KLHL1: variants seen among roughly 807,000 people sequenced by gnomAD.
The protein encoded by KLHL1 is kelch-like protein 1.
Under a neutral mutation model 77.7 loss-of-function variants are expected in KLHL1, and 47 were observed. The observed-to-expected ratio is 0.60, with a 90% CI of 0.48 to 0.77. KLHL1 has a LOEUF of 0.77. Among genes scored for constraint, KLHL1 ranks in the 30% least tolerant of loss-of-function variants. The pLI, the probability that KLHL1 is intolerant of heterozygous loss-of-function variation, is 0.00. For synonymous variants in KLHL1, 360 were observed against 325.2 expected, an observed-to-expected ratio of 1.11 and a Z score of -1.15; for missense variants, 925 against 910.8, an observed-to-expected ratio of 1.02 and a Z score of -0.20.
At chr13:70,068,007 G>A (rs924353829) in intron 1 of KLHL1, among the ~76,000 whole-genome samples, 10 of 150,338 alleles carry the variant, frequency 6.7e-5, no homozygotes, top group African/African-American at 2.5e-4. Flanking sequence ...ATTTGATCAC[G>A]GTAAATCACA....
intron 3 of KLHL1, among the ~76,000 whole-genome samples, chr13:69,957,399 G>C (rs950257249): frequency 6.6e-6 from 1 of 151,630 alleles, no homozygotes; most frequent in Non-Finnish European, 1.5e-5. Context: ...TATACAGATG[G>C]TTCCTGACTT....
At chr13:69,945,359 A>G (rs2325243) in intron 3 of KLHL1, among the ~76,000 whole-genome samples, 73,451 of 151,580 alleles carry the variant, frequency 0.48, 18,758 homozygotes, top group Non-Finnish European at 0.58. Flanking sequence ...GAACAAATGG[A>G]GAAACTAGAC....
At position 69,839,060 on chromosome 13, in the gene KLHL1, T is replaced by G; in HGVS notation, c.1330A>C (p.Thr444Pro). The part of the protein sequence containing the change: ...MKYHLLPERR[T>P]LMQSPRTKPR... ...TTAGTTCTCGGACTTTGCATTAAAG[T>G]TCTTCTTTCTGGCAATAGATGGTAT... is the stretch of plus-strand genomic sequence containing the variant. Residue 444 changes from threonine to proline, a missense_variant, in exon 6 of 11, where the codon ACT becomes CCT. Physicochemically the swap from Thr to Pro is conservative, Grantham distance 38. Coordinates refer to ENST00000377844, the MANE Select transcript of KLHL1 (RefSeq NM_020866.3). 6.2e-7 allele frequency: 1 copy of G among 1,611,350 alleles called. No individual in the cohort carries two copies. Among genetic ancestry groups the G allele is most frequent in the Non-Finnish European group, 8.5e-7 (1 of 1,178,388 alleles).
At chr13:70,029,283 T>G (rs1886032458) in intron 1 of KLHL1, among the ~76,000 whole-genome samples, 1 of 152,084 alleles carries the variant, frequency 6.6e-6, no homozygotes, top group Non-Finnish European at 1.5e-5. Context: ...TGAAAGAAAT[T>G]TGAACAGTGA....
chr13:69,963,211 A>AG (rs71116969), intron 2 of KLHL1, among the ~76,000 whole-genome samples: 93,949 of 151,856 alleles, frequency 0.62, 29,132 homozygotes, highest in South Asian at 0.65. Context: ...AGCATGCACA[A>AG]CCACCTCACC....
intron 4 of KLHL1, among the ~76,000 whole-genome samples, chr13:69,892,808 CA>C (rs1881475813): frequency 6.6e-6 from 1 of 152,152 alleles, no homozygotes; most frequent in Non-Finnish European, 1.5e-5. Context: ...TACATAACCA[CA>C]TTGACTATTT....
At chr13:69,841,827 C>A in intron 5 of KLHL1, among the ~76,000 whole-genome samples, 2 of 151,436 alleles carry the variant, frequency 1.3e-5, no homozygotes, top group Non-Finnish European at 1.5e-5. Flanking sequence ...CACGGTATTT[C>A]TCTAAAGATA....
intron 7 of KLHL1, among the ~76,000 whole-genome samples, chr13:69,779,922 G>A (rs117750294): frequency 0.021 from 3,170 of 151,916 alleles, 36 homozygotes; most frequent in Non-Finnish European, 0.034. Context: ...GTGATTCTCC[G>A]GCCACAGCCT....
intron 1 of KLHL1, among the ~76,000 whole-genome samples, chr13:70,017,294 G>T (rs1386828392): frequency 6.6e-6 from 1 of 152,190 alleles, no homozygotes; most frequent in East Asian, 1.9e-4. Context: ...CTGAGCCAGG[G>T]TTGTGACACC....
intron 1 of KLHL1, among the ~76,000 whole-genome samples, chr13:70,071,646 A>C (rs1343471059): frequency 6.6e-6 from 1 of 152,072 alleles, no homozygotes; most frequent in African/African-American, 2.4e-5. Flanking sequence ...CTCAGACCAC[A>C]ATGTAATTAA....
At chr13:69,893,650 A>G (rs1881518727) in intron 4 of KLHL1, among the ~76,000 whole-genome samples, 1 of 152,224 alleles carries the variant, frequency 6.6e-6, no homozygotes, top group East Asian at 1.9e-4. Context: ...ATGATGCTCT[A>G]AATACGAAAG....
At chr13:70,077,798 A>C (rs917397287) in intron 1 of KLHL1, among the ~76,000 whole-genome samples, 23 of 152,038 alleles carry the variant, frequency 1.5e-4, no homozygotes, top group African/African-American at 5.1e-4. Context: ...CATTTTAGAA[A>C]CATATTATAT....
At chr13:69,826,452 C>T (rs1878551586) in intron 6 of KLHL1, among the ~76,000 whole-genome samples, 1 of 152,036 alleles carries the variant, frequency 6.6e-6, no homozygotes, top group Admixed American at 6.6e-5. Flanking sequence ...TAGTGGTGGG[C>T]ACCTGTAATC....
intron 2 of KLHL1, among the ~76,000 whole-genome samples, chr13:69,975,159 T>C (rs1217818119): frequency 2.6e-5 from 4 of 152,018 alleles, no homozygotes; most frequent in Admixed American, 6.6e-5. Flanking sequence ...AATATAAAAA[T>C]GTCAATATGA....
At chr13:69,797,685 T>C (rs980163935) in intron 6 of KLHL1, among the ~76,000 whole-genome samples, 20 of 150,516 alleles carry the variant, frequency 1.3e-4, no homozygotes, top group Admixed American at 9.9e-4. Flanking sequence ...AAAAATTAGC[T>C]GGGCATGGTG....
rs1888125286 is a variant in KLHL1, at chr13:70,108,200, GAA to G, written c.-503_-502del. ...GTTCAGTGTCTGGAGAGCGCAGAGA[GAA>G]AGAGCCCCAAGTCTCGAGGAAGCGT... On this transcript the variant is annotated 5_prime_UTR_variant, in exon 1 of 11. Coordinates refer to ENST00000377844, the MANE Select transcript of KLHL1 (RefSeq NM_020866.3). 7.6e-6 allele frequency: 3 copies of G among 396,140 alleles called. No individual in the cohort carries two copies. The highest frequency in any genetic ancestry group is 1.3e-5 in the Non-Finnish European group (3 of 225,352). 24.5% of individuals were successfully genotyped at this position (396,140 alleles called of 1,614,324 possible).
chr13:69,886,108 T>C (rs572727665), intron 4 of KLHL1, among the ~76,000 whole-genome samples: 2 of 152,110 alleles, frequency 1.3e-5, no homozygotes, highest in African/African-American at 4.8e-5. Flanking sequence ...ACTTTGATGG[T>C]CTTATATGTA....
In KLHL1 at chr13:70,107,639, G is replaced by C. The variant is rs748421357; in HGVS notation, c.61C>G (p.Leu21Val). The C allele has an allele frequency of 1.3e-6, 2 of 1,557,540 alleles. No individual in the cohort carries two copies. The highest frequency in any genetic ancestry group is 2.2e-5 in the East Asian group (1 of 44,568). ...VKHILRLRWK[L>V]FSHPSPSTGG... ...GTGGAAGGAGACGGGTGGCTGAAGA[G>C]TTTCCAGCGGAGTCGCAGAATGTGC... The change falls in exon 1 of 11, where the codon CTC becomes GTC. Residue 21 changes from leucine to valine, a missense_variant. Transcript: ENST00000377844.
intron 6 of KLHL1, among the ~76,000 whole-genome samples, chr13:69,835,560 A>C (rs1878954614): frequency 6.6e-6 from 1 of 152,158 alleles, no homozygotes; most frequent in South Asian, 2.1e-4. Flanking sequence ...GCTCTAAGTT[A>C]CTGAGGCCTT....
Sources: gnomAD v4.1 joint callset for allele counts (sites outside exome capture counted in the v4.1 genomes callset) on GRCh38, gnomAD v4.1.1 for gene constraint, MANE v1.5 for transcripts, NCBI Gene and HGNC (gene_info 2026-07-23, HGNC 2026-07-21) for gene names.